The following FOXO1 variants were observed in gnomAD, a reference collection of about 807,000 sequenced individuals.
The protein encoded by FOXO1 is forkhead box O1.
FOXO1 carries 6 observed loss-of-function variants against 44.1 expected under a neutral mutation model. That is an observed-to-expected ratio of 0.14 (90% confidence interval 0.07 to 0.27). FOXO1 has a LOEUF of 0.27. Ranked by LOEUF, FOXO1 falls within the 10% of genes least tolerant of loss-of-function variation. The probability of loss-of-function intolerance (pLI) is 1.00; values close to 1 mark genes in which losing one functional copy is unlikely to be tolerated. For synonymous variants in FOXO1, 380 were observed against 362.7 expected, an observed-to-expected ratio of 1.05 and a Z score of -0.54; for missense variants, 737 against 888.8, an observed-to-expected ratio of 0.83 and a Z score of 2.17.
intron 1 of FOXO1, among the ~76,000 whole-genome samples, chr13:40,597,966 C>T (rs983091942): frequency 1.8e-4 from 27 of 152,272 alleles, no homozygotes; most frequent in Admixed American, 1.6e-3. Context: ...GGGCGGTGCT[C>T]GGGCCAAGTC....
At position 40,601,491 on chromosome 13, in the gene FOXO1, ACT is replaced by A. The variant is rs1212043592; in HGVS notation, c.631-40633_631-40632del. ...TTGTTTAATTAAAACAATATGGCTG[ACT>A]CTTCCCTATTTTTCAAATTTTCTCT... On this transcript the variant is annotated intron_variant, in intron 1 of 2. Transcript: ENST00000379561. Among the ~76,000 whole-genome samples the A allele has an allele frequency of 3.3e-5, 5 of 152,224 alleles. No homozygotes were observed. The East Asian group carries it at 9.6e-4, about 29-fold the overall frequency.
chr13:40,664,768 C>T (rs965752002), intron 1 of FOXO1, among the ~76,000 whole-genome samples: 1 of 151,778 alleles, frequency 6.6e-6, no homozygotes, highest in African/African-American at 2.4e-5. Flanking sequence ...CGCGCTGGCC[C>T]TTTAAAGGCG....
In FOXO1 at chr13:40,655,736, A is replaced by C. The variant is rs76579946; in HGVS notation, c.630+9847T>G. Among the ~76,000 whole-genome samples the C allele has an allele frequency of 6.8e-5, 10 of 146,202 alleles. No individual in the cohort carries two copies. The East Asian group carries it at 2.0e-3, about 30-fold the overall frequency. On this transcript the variant is annotated intron_variant, in intron 1 of 2. Transcript: ENST00000379561. ...CAGCTCACTACAGCCTCCACCTCAC[A>C]GGTCTGAGGCATTTTCGTGCCTCAG...
rs79475094 is a variant in FOXO1, at chr13:40,650,048, G to A, written c.630+15535C>T. Among the ~76,000 whole-genome samples, 469 of 152,314 alleles carry A rather than the reference G, an allele frequency of 3.1e-3. 2 individuals are homozygous for A. Among genetic ancestry groups the A allele is most frequent in the African/African-American group, 0.01 (433 of 41,568 alleles). ...AAAGTAATAAAAGAATGGCTACTCC[G>A]TAGACAAAGCAGCCCAAGGGCTGCT... is the stretch of plus-strand genomic sequence containing the variant. On this transcript the variant is annotated intron_variant, in intron 1 of 2. Coordinates refer to ENST00000379561, the MANE Select transcript of FOXO1 (RefSeq NM_002015.4).
In FOXO1 at chr13:40,645,304, G is replaced by T. The variant is rs9577086; in HGVS notation, c.630+20279C>A. On this transcript the variant is annotated intron_variant, in intron 1 of 2. Transcript: ENST00000379561. ...TCCTATTTACCAGAACACTATGAAG[G>T]TAGTAAAACTATGGTAAGACAAACA... Among the ~76,000 whole-genome samples, 162 of 152,244 alleles carry T rather than the reference G, an allele frequency of 1.1e-3. 4 individuals are homozygous for T. In the East Asian group the frequency reaches 0.019, roughly 18 times the overall value.
At chr13:40,651,484 C>T (rs1877685295) in intron 1 of FOXO1, among the ~76,000 whole-genome samples, 1 of 151,840 alleles carries the variant, frequency 6.6e-6, no homozygotes, top group South Asian at 2.1e-4. Flanking sequence ...AATCTTTAAC[C>T]CTGATAAATT....
At chr13:40,620,279 C>A in intron 1 of FOXO1, 1 of 1,185,944 alleles carries the variant, frequency 8.4e-7, no homozygotes, top group Non-Finnish European at 1.3e-6. Flanking sequence ...GACAGTATTG[C>A]AAACAGAACT....
intron 1 of FOXO1, among the ~76,000 whole-genome samples, chr13:40,578,403 G>A (rs757796112): frequency 6.6e-6 from 1 of 152,122 alleles, no homozygotes; most frequent in African/African-American, 2.4e-5. Flanking sequence ...AAATCCTGGA[G>A]GCATGGTGCT....
At position 40,560,417 on chromosome 13, in the gene FOXO1, A is replaced by G; in HGVS notation, c.1074T>C (p.Thr358=). ...TGCTTATCTCAGACAGACTGGGTAA[A>G]GTAGAGGCCATCTTTGCGGCAGATG... is the stretch of plus-strand genomic sequence containing the variant. ...YPPSAAKMAS[T]LPSLSEISNP... The change falls in exon 2 of 3, where the codon ACT becomes ACC. Residue 358 remains threonine, a synonymous_variant. Transcript: ENST00000379561. The surrounding 1 kb of genome is among the most constrained non-coding windows in gnomAD (Gnocchi z 5.1). 1.2e-6 allele frequency: 2 copies of G among 1,614,198 alleles called. No individual in the cohort carries two copies. Among genetic ancestry groups the G allele is most frequent in the Non-Finnish European group, 1.7e-6 (2 of 1,180,044 alleles).
chr13:40,618,852 G>C (rs956079266), intron 1 of FOXO1: 6 of 527,580 alleles, frequency 1.1e-5, no homozygotes. Flanking sequence ...ACAGAGAAGA[G>C]GCCTGAGAAC....
chr13:40,611,098 A>G (rs1477557838), intron 1 of FOXO1: 1 of 455,720 alleles, frequency 2.2e-6, no homozygotes, highest in Non-Finnish European at 4.4e-6. Flanking sequence ...AGTGGCATCA[A>G]TACTGCACAT....
chr13:40,623,781 G>C (rs565787605), intron 1 of FOXO1, among the ~76,000 whole-genome samples: 1 of 152,144 alleles, frequency 6.6e-6, no homozygotes, highest in Non-Finnish European at 1.5e-5. Flanking sequence ...TAATGAGAAA[G>C]GGGTCCAGTT....
chr13:40,628,601 G>A (rs377292129), intron 1 of FOXO1, among the ~76,000 whole-genome samples: 1 of 152,178 alleles, frequency 6.6e-6, no homozygotes. Flanking sequence ...CGACTCATAC[G>A]ATCTAGACCC....
chr13:40,584,773 C>T (rs1309314719), intron 1 of FOXO1, among the ~76,000 whole-genome samples: 2 of 152,162 alleles, frequency 1.3e-5, no homozygotes, highest in Non-Finnish European at 2.9e-5. Flanking sequence ...TGAAGGCAAC[C>T]GAATAAGCGA....
chr13:40,583,780 C>T (rs1018256109), intron 1 of FOXO1, among the ~76,000 whole-genome samples: 7 of 152,322 alleles, frequency 4.6e-5, no homozygotes, highest in African/African-American at 1.7e-4. Context: ...AGCAATAAGG[C>T]TGTTTTGCTT....
At chr13:40,652,900 A>C (rs1877730470) in intron 1 of FOXO1, among the ~76,000 whole-genome samples, 1 of 152,112 alleles carries the variant, frequency 6.6e-6, no homozygotes, top group Non-Finnish European at 1.5e-5. Context: ...CAACATTTAC[A>C]AGCCTGGGAA....
intron 1 of FOXO1, among the ~76,000 whole-genome samples, chr13:40,588,862 T>C (rs1283261513): frequency 6.6e-6 from 1 of 152,128 alleles, no homozygotes; most frequent in African/African-American, 2.4e-5. Context: ...CCCAGCACTT[T>C]GGGAGGCCGA....
chr13:40,608,126 C>A (rs1566074167), intron 1 of FOXO1, among the ~76,000 whole-genome samples: 1 of 152,236 alleles, frequency 6.6e-6, no homozygotes, highest in Non-Finnish European at 1.5e-5. Flanking sequence ...AATCTCATAA[C>A]CAAAAGCTAC....
At chr13:40,559,437 T>C (rs1312114299) in intron 2 of FOXO1, 72 bp downstream of exon 2, 3 of 1,372,026 alleles carry the variant, frequency 2.2e-6, no homozygotes, top group Admixed American at 2.3e-5. Context: ...GTGCTAACCA[T>C]GGCAAGTTAC....
Sources: allele counts gnomAD v4.1 joint callset (sites outside exome capture counted in the v4.1 genomes callset), GRCh38; gene constraint gnomAD v4.1.1; non-coding constraint Gnocchi (gnomAD v3.1); transcripts MANE v1.5; gene names NCBI Gene and HGNC (gene_info 2026-07-23, HGNC 2026-07-21).